RFX2: variants seen among roughly 807,000 people sequenced by gnomAD.
RFX2 encodes the protein regulatory factor X2.
In RFX2, 20 loss-of-function variants were observed where a neutral mutation model predicts 87.8. The ratio of observed to expected loss-of-function variants is 0.23; its 90% confidence interval spans 0.16 to 0.33. The LOEUF (loss-of-function observed/expected upper bound fraction) is 0.33, where lower values mean the gene tolerates loss of function less well. Ranked by LOEUF, RFX2 falls within the 10% of genes least tolerant of loss-of-function variation. The pLI is 1.00. For missense variants in RFX2, 767 were observed against 1,012.3 expected, an observed-to-expected ratio of 0.76 and a Z score of 3.29; for synonymous variants, 397 against 431.3, an observed-to-expected ratio of 0.92 and a Z score of 0.98.
rs559769465 is a variant in RFX2 at position 6,016,103 on chromosome 19, G to T, written c.766C>A (p.Arg256=). 1.1e-5 allele frequency: 18 copies of T among 1,603,858 alleles called. No homozygotes were observed. In the African/African-American group the frequency reaches 1.5e-4, roughly 13 times the overall value. ...RSVFMGLRTR[R]LGTRGNSKYH... ...TCGTCTACCCACCTGGTGCCCAGCC[G>T]CCGCGTTCTCAGCCCCATAAACACA... The change falls in exon 7 of 18, where the codon CGG becomes AGG. Residue 256 remains arginine, a synonymous_variant. Coordinates refer to ENST00000303657, the MANE Select transcript of RFX2 (RefSeq NM_000635.4). The surrounding 1 kb of genome is among the most constrained non-coding windows in gnomAD (Gnocchi z 5.4).
intron 1 of RFX2, among the ~76,000 whole-genome samples, chr19:6,076,098 G>C (rs891020660): frequency 6.6e-6 from 1 of 152,196 alleles, no homozygotes; most frequent in Non-Finnish European, 1.5e-5. Context: ...AGCACATTTT[G>C]GGAGGCCAAG....
At position 6,045,735 on chromosome 19, in the gene RFX2, G is replaced by A. The variant is rs551729119; in HGVS notation, c.91-1453C>T. ...CGCCCAGGCTGAAGTGCGATGGCAC[G>A]ATCTCGGCTCACTATAACCTCTGCC... On this transcript the variant is annotated intron_variant, in intron 2 of 17. Transcript: ENST00000303657. This position sits in a 1 kb window ranked among gnomAD's most constrained non-coding sequence, Gnocchi z 5.2. Among the ~76,000 whole-genome samples, 65 of 151,994 alleles carry A rather than the reference G, an allele frequency of 4.3e-4. No individual in the cohort carries two copies. Among genetic ancestry groups the A allele is most frequent in the Non-Finnish European group, 7.5e-4 (51 of 68,010 alleles).
At chr19:6,000,362 A>G (rs1045844825) in intron 15 of RFX2, among the ~76,000 whole-genome samples, 2 of 152,230 alleles carry the variant, frequency 1.3e-5, no homozygotes, top group African/African-American at 4.8e-5. Flanking sequence ...TTTTGTTTGC[A>G]TTGACAGCTG....
intron 1 of RFX2, among the ~76,000 whole-genome samples, chr19:6,062,170 A>T (rs1429043294): frequency 6.6e-6 from 1 of 152,166 alleles, no homozygotes; most frequent in African/African-American, 2.4e-5. Context: ...AAAAAGAATA[A>T]ACAAGTAACA....
At chr19:6,070,082 A>G (rs56303214) in intron 1 of RFX2, among the ~76,000 whole-genome samples, 3 of 18,284 alleles carry the variant, frequency 1.6e-4, no homozygotes, top group Admixed American at 5.2e-4. Flanking sequence ...TGTGGATGGG[A>G]TGGGATGGGA....
At position 6,010,370 on chromosome 19, in the gene RFX2, G is replaced by A. The variant is rs762540274; in HGVS notation, c.900-119C>T. On this transcript the variant is annotated intron_variant, in intron 8 of 17. Coordinates refer to ENST00000303657, the MANE Select transcript of RFX2 (RefSeq NM_000635.4). This position sits in a 1 kb window ranked among gnomAD's most constrained non-coding sequence, Gnocchi z 5.0. Reference sequence around the variant, plus strand: ...TGTGTGTGTGATGTTTACAAGTTGCGGTCAAATACACATAACACAAAAGCT... The same window carrying A: ...TGTGTGTGTGATGTTTACAAGTTGCAGTCAAATACACATAACACAAAAGCT... The A allele has an allele frequency of 1.0e-5, 7 of 668,208 alleles. No individual in the cohort carries two copies. The highest frequency in any genetic ancestry group is 1.8e-5 in the African/African-American group (1 of 56,326). 41.4% of individuals were successfully genotyped at this position (668,208 alleles called of 1,614,324 possible). A position where few individuals can be genotyped will look rare whatever the true frequency, so the allele number is the denominator to read the frequency against.
Position 6,004,053 on chromosome 19 carries a change from T to C in RFX2, c.1500+148A>G. 1 of 658,290 alleles carries C rather than the reference T, an allele frequency of 1.5e-6. No individual in the cohort carries two copies. Among genetic ancestry groups the C allele is most frequent in the South Asian group, 1.7e-5 (1 of 57,928 alleles). The allele number at this position is 658,290 out of a possible 1,614,324, so 40.8% of individuals were successfully genotyped here. On this transcript the variant is annotated intron_variant, in intron 13 of 17. Transcript: ENST00000303657. The surrounding 1 kb of genome is among the most constrained non-coding windows in gnomAD (Gnocchi z 4.8). ...GCCAGCACTGACGCGTCACCGGCAG[T>C]GTGCTCAGGGCTTCCTGAAGGGATC...
Position 6,007,843 on chromosome 19 carries a change from C to G in RFX2, c.1135-41G>C. ...CCGGTGAGACAGACGGGTGCGTGCGCCCATCACGTGCACTCAGCACACGTC... is the reference window on the plus strand; with the variant it reads ...CCGGTGAGACAGACGGGTGCGTGCGGCCATCACGTGCACTCAGCACACGTC... On this transcript the variant is annotated intron_variant, in intron 10 of 17. Coordinates refer to ENST00000303657, the MANE Select transcript of RFX2 (RefSeq NM_000635.4). This position sits in a 1 kb window ranked among gnomAD's most constrained non-coding sequence, Gnocchi z 8.2. 2 of 1,343,866 alleles carry G rather than the reference C, an allele frequency of 1.5e-6. No individual in the cohort carries two copies. Among genetic ancestry groups the G allele is most frequent in the Non-Finnish European group, 2.1e-6 (2 of 957,728 alleles). 83.2% of individuals were successfully genotyped at this position (1,343,866 alleles called of 1,614,324 possible).
At position 6,064,261 on chromosome 19, in the gene RFX2, G is replaced by A. The variant is rs1460150236; in HGVS notation, c.-8-16757C>T. Among the ~76,000 whole-genome samples, 3 of 152,190 alleles carry A rather than the reference G, an allele frequency of 2.0e-5. No individual in the cohort carries two copies. The highest frequency in any genetic ancestry group is 2.9e-5 in the Non-Finnish European group (2 of 68,030). On this transcript the variant is annotated intron_variant, in intron 1 of 17. Transcript: ENST00000303657. This position sits in a 1 kb window ranked among gnomAD's most constrained non-coding sequence, Gnocchi z 4.8. The stretch of plus-strand genomic sequence containing the variant: ...CGTCTTCAGCTGAGCACAGGGGCCT[G>A]TCCCAGGATTCTTGGAAGCGGCTTC...
At chr19:6,107,424 C>T (rs2088233945) in intron 1 of RFX2, among the ~76,000 whole-genome samples, 1 of 151,772 alleles carries the variant, frequency 6.6e-6, no homozygotes, top group South Asian at 2.1e-4. Flanking sequence ...TGAGACTAGC[C>T]TGGCCAACAT....
chr19:6,073,794 G>A (rs965569924), intron 1 of RFX2, among the ~76,000 whole-genome samples: 2 of 152,148 alleles, frequency 1.3e-5, no homozygotes, highest in Non-Finnish European at 1.5e-5. Context: ...GGTTGAATGC[G>A]GACGGCTAAT....
At chr19:6,057,032 G>A (rs1016948299) in intron 1 of RFX2, 1 of 152,146 alleles carries the variant, frequency 6.6e-6, no homozygotes, top group African/African-American at 2.4e-5. Context: ...AGATCAGGGC[G>A]GGCATGAAAT....
intron 1 of RFX2, among the ~76,000 whole-genome samples, chr19:6,099,754 C>T (rs2088089346): frequency 6.6e-6 from 1 of 152,182 alleles, no homozygotes; most frequent in Non-Finnish European, 1.5e-5. Context: ...CCTTGCAGTG[C>T]TAAATCTAAG....
chr19:6,065,916 G>A (rs911576385), intron 1 of RFX2, among the ~76,000 whole-genome samples: 15 of 150,570 alleles, frequency 1.0e-4, no homozygotes, highest in African/African-American at 3.2e-4. Context: ...AGATGAATGA[G>A]GAAGAATAAA....
intron 1 of RFX2, among the ~76,000 whole-genome samples, chr19:6,059,673 G>C (rs2087399492): frequency 6.6e-6 from 1 of 152,112 alleles, no homozygotes; most frequent in Non-Finnish European, 1.5e-5. Flanking sequence ...CACACACACA[G>C]ACGCATGTAT....
In RFX2 at chr19:6,098,420, T is replaced by C. The variant is rs117087594; in HGVS notation, c.-9+11973A>G. Among the ~76,000 whole-genome samples the C allele has an allele frequency of 6.3e-3, 959 of 152,100 alleles. 2 individuals carry two copies. Among genetic ancestry groups the C allele is most frequent in the Admixed American group, 0.011 (169 of 15,258 alleles). ...TAACACCTGTAAAGAGGCCGCAAGA[T>C]AGAGACTTCAGTGAGATGCGTTTTC... On this transcript the variant is annotated intron_variant, in intron 1 of 17. Coordinates refer to ENST00000303657, the MANE Select transcript of RFX2 (RefSeq NM_000635.4).
intron 6 of RFX2, among the ~76,000 whole-genome samples, chr19:6,025,252 C>A (rs1029499845): frequency 1.3e-5 from 2 of 152,178 alleles, no homozygotes; most frequent in Non-Finnish European, 2.9e-5. Flanking sequence ...CCACGTCCCC[C>A]AGTCCCATCC....
At chr19:6,076,454 G>A (rs2144847692) in intron 1 of RFX2, among the ~76,000 whole-genome samples, 1 of 152,268 alleles carries the variant, frequency 6.6e-6, no homozygotes, top group East Asian at 1.9e-4. Context: ...GGGTGCCTGG[G>A]TCCGGTGCCT....
chr19:6,071,271 C>T (rs867304545), intron 1 of RFX2, among the ~76,000 whole-genome samples: 15 of 152,202 alleles, frequency 9.9e-5, no homozygotes, highest in African/African-American at 3.1e-4. Flanking sequence ...GGCCAGGAAT[C>T]TTGCTGTGAG....
Sources: allele counts gnomAD v4.1 joint callset (sites outside exome capture counted in the v4.1 genomes callset), GRCh38; gene constraint gnomAD v4.1.1; non-coding constraint Gnocchi (gnomAD v3.1); transcripts MANE v1.5; gene names NCBI Gene and HGNC (gene_info 2026-07-23, HGNC 2026-07-21).